The following SLC20A2 variants were observed in gnomAD, a reference collection of about 807,000 sequenced individuals.
The protein encoded by SLC20A2 is sodium-dependent phosphate transporter 2.
Under a neutral mutation model 61.0 loss-of-function variants are expected in SLC20A2, and 30 were observed. The ratio of observed to expected loss-of-function variants is 0.49; its 90% CI spans 0.37 to 0.67. SLC20A2 has a LOEUF of 0.67. SLC20A2 is among the 30% of genes least tolerant of loss of function. The pLI, the probability that SLC20A2 is intolerant of heterozygous loss-of-function variation, is 0.00. For synonymous variants in SLC20A2, 351 were observed against 353.3 expected (o/e 0.99, Z 0.07); for missense variants, 626 against 866.4 (o/e 0.72, Z 3.48).
intron 2 of SLC20A2, chr8:42,471,288 G>C: frequency 2.2e-6 from 1 of 453,618 alleles, no homozygotes; most frequent in East Asian, 6.9e-5. Context: ...CGAGGGCAGT[G>C]ATGGGAAGAC....
At chr8:42,468,403 G>A (rs1454597656) in intron 2 of SLC20A2, among the ~76,000 whole-genome samples, 3 of 152,160 alleles carry the variant, frequency 2.0e-5, no homozygotes, top group Admixed American at 6.5e-5. Context: ...AGAAGGAGGA[G>A]AGAGGATAGC....
At chr8:42,461,577 A>G (rs958409832) in intron 4 of SLC20A2, among the ~76,000 whole-genome samples, 1 of 151,818 alleles carries the variant, frequency 6.6e-6, no homozygotes, top group Non-Finnish European at 1.5e-5. Flanking sequence ...CCGCCTCCCA[A>G]GTAGCTGTGA....
chr8:42,437,440 G>A lies in SLC20A2; in HGVS notation c.1072C>T (p.Leu358=). The A allele has an allele frequency of 6.2e-7, 1 of 1,614,140 alleles. No homozygotes were observed. Among genetic ancestry groups the A allele is most frequent in the South Asian group, 1.1e-5 (1 of 91,084 alleles). ...CCCCTGTCGATGTGGATTTTGTGCAGCAGATCTTTGTAGAGCCCCGAGTCT... is the reference window on the plus strand; with the variant it reads ...CCCCTGTCGATGTGGATTTTGTGCAACAGATCTTTGTAGAGCCCCGAGTCT... ...HKDSGLYKDL[L]HKIHIDRGPE... Residue 358 remains leucine, a synonymous_variant, in exon 8 of 11, where the codon CTG becomes TTG. Coordinates refer to ENST00000520262, the MANE Select transcript of SLC20A2 (RefSeq NM_001257180.2). The surrounding 1 kb of genome is among the most constrained non-coding windows in gnomAD (Gnocchi z 6.4).
At chr8:42,434,438 C>A (rs1410706884) in intron 8 of SLC20A2, among the ~76,000 whole-genome samples, 1 of 152,054 alleles carries the variant, frequency 6.6e-6, no homozygotes, top group African/African-American at 2.4e-5. Context: ...GTCGCCCAGG[C>A]TGGAGTGCAG....
intron 1 of SLC20A2, among the ~76,000 whole-genome samples, chr8:42,473,895 G>T (rs1807850146): frequency 6.6e-6 from 1 of 152,322 alleles, no homozygotes; most frequent in Non-Finnish European, 1.5e-5. Flanking sequence ...AAAAGGCCGG[G>T]TGTAGTGGCT....
At chr8:42,527,622 G>C (rs981159326) in intron 1 of SLC20A2, among the ~76,000 whole-genome samples, 6 of 151,998 alleles carry the variant, frequency 3.9e-5, no homozygotes, top group Middle Eastern at 3.4e-3. Context: ...TACAAAATTA[G>C]CCAGGCGTGG....
At chr8:42,533,653 TC>T (rs1337731000) in intron 1 of SLC20A2, among the ~76,000 whole-genome samples, 6 of 116,772 alleles carry the variant, frequency 5.1e-5, no homozygotes, top group African/African-American at 1.7e-4. Context: ...GATCAACTGT[TC>T]TTTTTTTTTT....
At chr8:42,517,350 T>G (rs1032997506) in intron 1 of SLC20A2, among the ~76,000 whole-genome samples, 1 of 146,344 alleles carries the variant, frequency 6.8e-6, no homozygotes, top group African/African-American at 2.5e-5. Flanking sequence ...CCTGGGCAAC[T>G]GTAGTGAGAT....
intron 5 of SLC20A2, 49 bp from the exon 6 acceptor site, chr8:42,444,811 G>T (rs745710935): frequency 7.9e-5 from 115 of 1,450,114 alleles, no homozygotes. Context: ...CTTCTGCAAG[G>T]TCAGGCCTCA....
At chr8:42,445,837 G>A (rs1051148899) in intron 5 of SLC20A2, among the ~76,000 whole-genome samples, 1 of 152,228 alleles carries the variant, frequency 6.6e-6, no homozygotes, top group Non-Finnish European at 1.5e-5. Flanking sequence ...TCTGGACACT[G>A]CCTGGCTCCG....
intron 2 of SLC20A2, among the ~76,000 whole-genome samples, chr8:42,469,960 G>GT (rs1208547069): frequency 6.6e-6 from 1 of 151,572 alleles, no homozygotes; most frequent in African/African-American, 2.4e-5. Context: ...TTTTGTCAGT[G>GT]TTTTTCTTGA....
At chr8:42,529,714 A>G (rs1017153786) in intron 1 of SLC20A2, among the ~76,000 whole-genome samples, 3 of 152,202 alleles carry the variant, frequency 2.0e-5, no homozygotes, top group Non-Finnish European at 4.4e-5. Context: ...ACATGCCCAC[A>G]GGACTACTGA....
chr8:42,538,743 G>A (rs1307732104), intron 1 of SLC20A2, among the ~76,000 whole-genome samples: 4 of 152,196 alleles, frequency 2.6e-5, no homozygotes, highest in African/African-American at 2.4e-5. Flanking sequence ...CCTGTCATAG[G>A]AAACACATCA....
intron 1 of SLC20A2, 144 bp downstream of exon 1, chr8:42,500,887 T>A (rs1810273382): frequency 6.6e-6 from 1 of 152,226 alleles, no homozygotes; most frequent in African/African-American, 2.4e-5. Flanking sequence ...AAAAACCTTT[T>A]GCCACCTCTC....
chr8:42,417,703 G>A lies in SLC20A2; in HGVS notation c.*100C>T, dbSNP rs1016023503. Reference sequence around the variant, plus strand: ...GCAGAGAGCTGGTCATGAGAGAGCCGTGCACGGCCAGGATGTGTATGTGCG... The same window carrying A: ...GCAGAGAGCTGGTCATGAGAGAGCCATGCACGGCCAGGATGTGTATGTGCG... On this transcript the variant is annotated 3_prime_UTR_variant, in exon 11 of 11. Transcript: ENST00000520262. The A allele has an allele frequency of 2.7e-5, 36 of 1,319,154 alleles. No homozygotes were observed. Among genetic ancestry groups the A allele is most frequent in the Admixed American group, 3.6e-5 (2 of 55,520 alleles). 81.7% of individuals were successfully genotyped at this position (1,319,154 alleles called of 1,614,324 possible).
Position 42,417,913 on chromosome 8 carries a change from G to T in SLC20A2, c.1849C>A (p.Arg617Ser). 2.5e-6 allele frequency: 4 copies of T among 1,613,766 alleles called. No individual in the cohort carries two copies. The highest frequency in any genetic ancestry group is 3.4e-6 in the Non-Finnish European group (4 of 1,179,892). ...WIRSRKAVDW[R>S]LFRNIFVAWF... is the part of the protein sequence containing the mutation. ...GCCACGAAGATGTTCCGAAAGAGGCGCCAGTCCACAGCCTTGCGGGAGCGG... is the reference window on the plus strand; with the variant it reads ...GCCACGAAGATGTTCCGAAAGAGGCTCCAGTCCACAGCCTTGCGGGAGCGG... The change falls in exon 11 of 11, where the codon CGC becomes AGC. Residue 617 changes from arginine to serine, a missense_variant. Physicochemically the swap from Arg to Ser is moderately radical, Grantham distance 110 (BLOSUM62 -1). Coordinates refer to ENST00000520262, the MANE Select transcript of SLC20A2 (RefSeq NM_001257180.2).
intron 1 of SLC20A2, among the ~76,000 whole-genome samples, chr8:42,484,216 A>G (rs768430355): frequency 3.9e-4 from 59 of 152,332 alleles, no homozygotes; most frequent in African/African-American, 3.8e-4. Flanking sequence ...AATCTGTTCA[A>G]TTCTCTGAAG....
At chr8:42,513,445 T>C (rs1197242061) in intron 1 of SLC20A2, among the ~76,000 whole-genome samples, 3 of 152,236 alleles carry the variant, frequency 2.0e-5, no homozygotes, top group African/African-American at 7.2e-5. Context: ...AAGCTGGTCT[T>C]AACTTTCCTC....
chr8:42,514,145 G>A (rs59730793), intron 1 of SLC20A2, among the ~76,000 whole-genome samples: 3,712 of 152,202 alleles, frequency 0.024, 143 homozygotes, highest in African/African-American at 0.082. Context: ...AAATGCTGAC[G>A]GCCTGTTATT....
Sources: gnomAD v4.1 joint callset for allele counts (sites outside exome capture counted in the v4.1 genomes callset) on GRCh38, gnomAD v4.1.1 for gene constraint, Gnocchi (gnomAD v3.1) non-coding constraint, MANE v1.5 for transcripts, NCBI Gene and HGNC (gene_info 2026-07-23, HGNC 2026-07-21) for gene names.